STX8: variants seen among roughly 807,000 people sequenced by gnomAD.
STX8 encodes syntaxin-8.
Under a neutral mutation model 37.5 loss-of-function variants are expected in STX8, and 23 were observed. That is an observed-to-expected ratio of 0.61 (90% confidence interval 0.44 to 0.87). The LOEUF is 0.87. Among genes scored for constraint, STX8 ranks in the 40% least tolerant of loss-of-function variants. STX8 has a pLI of 0.00. For missense variants in STX8, 313 were observed against 284.7 expected, an observed-to-expected ratio of 1.10 and a Z score of -0.71; for synonymous variants, 115 against 99.1, an observed-to-expected ratio of 1.16 and a Z score of -0.95.
intron 7 of STX8, among the ~76,000 whole-genome samples, chr17:9,318,763 C>T (rs1909470340): frequency 6.6e-6 from 1 of 152,124 alleles, no homozygotes; most frequent in African/African-American, 2.4e-5. Flanking sequence ...TGTGAGAATT[C>T]ATAAGGCATA....
chr17:9,297,462 C>CTTGG (rs748389806), intron 7 of STX8, among the ~76,000 whole-genome samples: 31 of 152,242 alleles, frequency 2.0e-4, no homozygotes, highest in Non-Finnish European at 3.8e-4. Context: ...GAGATGCTTC[C>CTTGG]TTGGTTGGTA....
At chr17:9,419,054 G>A (rs910132651) in intron 6 of STX8, among the ~76,000 whole-genome samples, 1 of 150,744 alleles carries the variant, frequency 6.6e-6, no homozygotes, top group African/African-American at 2.4e-5. Flanking sequence ...CTCCTTAGTA[G>A]CTGGGACTAC....
At chr17:9,541,047 T>C (rs78464806) in intron 4 of STX8, among the ~76,000 whole-genome samples, 8,597 of 152,022 alleles carry the variant, frequency 0.057, 857 homozygotes, top group African/African-American at 0.2. Flanking sequence ...ACCCAAGAGG[T>C]CCTCAGAAGG....
chr17:9,556,790 TATATACACATAC>T (rs1425171768), intron 3 of STX8: 11 of 23,178 alleles, frequency 4.7e-4, no homozygotes, highest in East Asian at 1.4e-3. Context: ...TATATATATA[TATATACACATAC>T]ATATATATAT....
chr17:9,533,539 T>C (rs1218143314), intron 4 of STX8, among the ~76,000 whole-genome samples: 1 of 152,176 alleles, frequency 6.6e-6, no homozygotes, highest in Non-Finnish European at 1.5e-5. Context: ...AGACAAGTGA[T>C]AGGTGTAAAC....
At chr17:9,443,489 A>G (rs184360071) in intron 6 of STX8, among the ~76,000 whole-genome samples, 2 of 152,224 alleles carry the variant, frequency 1.3e-5, no homozygotes, top group East Asian at 3.9e-4. Flanking sequence ...CACTAAGCTC[A>G]CCTAATAACT....
intron 7 of STX8, among the ~76,000 whole-genome samples, chr17:9,312,812 T>C (rs62067069): frequency 0.012 from 1,801 of 152,228 alleles, 17 homozygotes; most frequent in Non-Finnish European, 0.019. Context: ...GTCACGGAGA[T>C]GGAGAAATTA....
intron 6 of STX8, among the ~76,000 whole-genome samples, chr17:9,398,042 G>A (rs575216127): frequency 2.0e-5 from 3 of 151,180 alleles, no homozygotes; most frequent in Non-Finnish European, 4.4e-5. Context: ...AATAATACGT[G>A]AAGGCGAAGA....
At chr17:9,418,159 G>A (rs978628846) in intron 6 of STX8, among the ~76,000 whole-genome samples, 14 of 152,148 alleles carry the variant, frequency 9.2e-5, no homozygotes, top group Admixed American at 8.5e-4. Flanking sequence ...TCAAACTGTG[G>A]AGTCTGATGC....
At chr17:9,316,736 G>A (rs1002437923) in intron 7 of STX8, among the ~76,000 whole-genome samples, 1 of 152,158 alleles carries the variant, frequency 6.6e-6, no homozygotes, top group Non-Finnish European at 1.5e-5. Flanking sequence ...CCAAGGAAGG[G>A]GTCCTGGGAA....
chr17:9,279,624 G>A (rs1939107908), intron 7 of STX8, among the ~76,000 whole-genome samples: 1 of 152,166 alleles, frequency 6.6e-6, no homozygotes, highest in Non-Finnish European at 1.5e-5. Flanking sequence ...TTCACAGCCA[G>A]GTGCCCAGCT....
intron 6 of STX8, among the ~76,000 whole-genome samples, chr17:9,443,582 C>T (rs1251515627): frequency 6.6e-6 from 1 of 152,182 alleles, no homozygotes. Flanking sequence ...CACAGAGCCA[C>T]TCCCTTGAGC....
At chr17:9,273,041 A>C (rs1194885956) in intron 7 of STX8, among the ~76,000 whole-genome samples, 1 of 152,386 alleles carries the variant, frequency 6.6e-6, no homozygotes, top group East Asian at 1.9e-4. Context: ...ACAACAAAGA[A>C]GGAAGGGGGA....
chr17:9,465,500 T>C (rs1905570851), intron 6 of STX8, among the ~76,000 whole-genome samples: 2 of 152,174 alleles, frequency 1.3e-5, no homozygotes, highest in African/African-American at 4.8e-5. Context: ...CAGTGACTAA[T>C]ATCAGGGATG....
chr17:9,486,747 T>C (rs1456289741), intron 6 of STX8, among the ~76,000 whole-genome samples: 1 of 151,832 alleles, frequency 6.6e-6, no homozygotes, highest in East Asian at 1.9e-4. Context: ...TAGTCCCAGA[T>C]ACTCAGGAGG....
chr17:9,430,021 A>C lies in STX8; in HGVS notation c.542-51368T>G, dbSNP rs868699537. ...ATATATATATTATATATTATATATT[A>C]TATATAATATATTCTATAGAATATA... is the stretch of plus-strand genomic sequence containing the variant. On this transcript the variant is annotated intron_variant, in intron 6 of 7. Transcript: ENST00000306357. Among the ~76,000 whole-genome samples the C allele has an allele frequency of 3.4e-3, 96 of 28,004 alleles. 26 individuals are homozygous for C. Among genetic ancestry groups the C allele is most frequent in the African/African-American group, 0.013 (71 of 5,424 alleles). The allele number at this position is 28,004 out of a possible 152,430, so 18.4% of individuals were successfully genotyped here.
chr17:9,559,760 A>ATATATATATATATATTTTTTTT, intron 2 of STX8, among the ~76,000 whole-genome samples: 1 of 24,496 alleles, frequency 4.1e-5, no homozygotes, highest in East Asian at 2.7e-3. Flanking sequence ...ATATATATAT[A>ATATATATATATATATTTTTTTT]TTTTTTTTTT....
chr17:9,545,135 GC>G, intron 4 of STX8, 36 bp downstream of exon 4: 1 of 1,441,790 alleles, frequency 6.9e-7, no homozygotes, highest in South Asian at 1.2e-5. Flanking sequence ...AGAAGTCTTC[GC>G]CCACCAAGTA....
chr17:9,385,901 T>C (rs778641642), intron 6 of STX8, among the ~76,000 whole-genome samples: 89 of 151,990 alleles, frequency 5.9e-4, no homozygotes, highest in Non-Finnish European at 1.2e-3. Flanking sequence ...CCCTCCTGAG[T>C]AGCTGGGATT....
Sources: gnomAD v4.1 joint callset for allele counts (sites outside exome capture counted in the v4.1 genomes callset) on GRCh38, gnomAD v4.1.1 for gene constraint, MANE v1.5 for transcripts, NCBI Gene and HGNC (gene_info 2026-07-23, HGNC 2026-07-21) for gene names.